ADAMTSL1: variants seen among roughly 807,000 people sequenced by gnomAD.
ADAMTSL1 encodes the protein ADAMTS-like protein 1.
A neutral mutation model predicts 201.8 loss-of-function variants in ADAMTSL1; 126 were observed. The observed-to-expected ratio is 0.62, with a 90% CI of 0.54 to 0.72. The LOEUF is 0.72. Ranked by LOEUF, ADAMTSL1 falls within the 30% of genes least tolerant of loss-of-function variation. The pLI is 0.00. For synonymous variants in ADAMTSL1, 1,121 were observed against 903.4 expected (o/e 1.24, Z -4.32); for missense variants, 2,679 against 2,277.8 (o/e 1.18, Z -3.59).
intron 23 of ADAMTSL1, among the ~76,000 whole-genome samples, chr9:18,860,723 A>G (rs1827161843): frequency 6.6e-6 from 1 of 152,062 alleles, no homozygotes; most frequent in African/African-American, 2.4e-5. Context: ...TCATTACTGT[A>G]GGAAAAGGTT....
intron 2 of ADAMTSL1, among the ~76,000 whole-genome samples, chr9:18,226,635 C>G (rs1456223334): frequency 6.6e-6 from 1 of 152,128 alleles, no homozygotes; most frequent in African/African-American, 2.4e-5. Flanking sequence ...CCTGCCCTCT[C>G]TTTACCTTAG....
intron 13 of ADAMTSL1, among the ~76,000 whole-genome samples, chr9:18,704,400 G>A (rs1474579577): frequency 6.6e-6 from 1 of 152,154 alleles, no homozygotes; most frequent in African/African-American, 2.4e-5. Flanking sequence ...GAAAAAGCTG[G>A]TAGGGTGCAG....
chr9:18,815,267 TGCA>T (rs1403278784), intron 20 of ADAMTSL1, among the ~76,000 whole-genome samples: 1 of 152,062 alleles, frequency 6.6e-6, no homozygotes, highest in Non-Finnish European at 1.5e-5. Flanking sequence ...CAATATTTAC[TGCA>T]GCACTATTCA....
chr9:18,540,232 C>T (rs1237053959), intron 3 of ADAMTSL1, among the ~76,000 whole-genome samples: 6 of 152,054 alleles, frequency 3.9e-5, no homozygotes, highest in Non-Finnish European at 5.9e-5. Flanking sequence ...AGATAATGCC[C>T]CTGTTCTTAT....
intron 2 of ADAMTSL1, among the ~76,000 whole-genome samples, chr9:18,226,140 C>T (rs149442877): frequency 8.5e-5 from 13 of 152,108 alleles, no homozygotes; most frequent in African/African-American, 3.1e-4. Context: ...GACAAAGATG[C>T]CATTTTTTGA....
intron 3 of ADAMTSL1, among the ~76,000 whole-genome samples, chr9:18,556,441 C>A (rs1821114754): frequency 6.6e-6 from 1 of 151,970 alleles, no homozygotes; most frequent in Admixed American, 6.6e-5. Flanking sequence ...TGACTTTAAT[C>A]AGTCTTTCCC....
At chr9:18,323,655 A>T (rs1834714407) in intron 2 of ADAMTSL1, among the ~76,000 whole-genome samples, 2 of 152,208 alleles carry the variant, frequency 1.3e-5, no homozygotes, top group African/African-American at 4.8e-5. Context: ...ATAGGAAACA[A>T]ATTCAGTATA....
chr9:18,533,680 A>T (rs1819580322), intron 3 of ADAMTSL1, among the ~76,000 whole-genome samples: 2 of 152,228 alleles, frequency 1.3e-5, no homozygotes, highest in African/African-American at 4.8e-5. Context: ...AACAAATATT[A>T]TTCAGTGCCA....
rs182399871 is a variant in ADAMTSL1 at position 18,183,346 on chromosome 9, A to G, written c.207+19365A>G. ...TGATGATGTTTTATATAGAACACCA[A>G]AGGCATGATTCACGAAATAATTGAT... On this transcript the variant is annotated intron_variant, in intron 2 of 29. Transcript: ENST00000680146. 8.5e-5 allele frequency among the ~76,000 whole-genome samples: 13 copies of G among 152,312 alleles called. No homozygotes were observed. In the East Asian group the frequency reaches 1.7e-3, roughly 20 times the overall value.
intron 2 of ADAMTSL1, among the ~76,000 whole-genome samples, chr9:18,185,783 C>T (rs911852191): frequency 6.6e-6 from 1 of 151,956 alleles, no homozygotes; most frequent in Non-Finnish European, 1.5e-5. Context: ...ATTATGACTC[C>T]AAGTTTACAA....
intron 1 of ADAMTSL1, among the ~76,000 whole-genome samples, chr9:17,995,070 T>C (rs551323342): frequency 2.6e-5 from 4 of 152,282 alleles, no homozygotes; most frequent in African/African-American, 9.6e-5. Flanking sequence ...CCTAGGGAGC[T>C]TGTTTGCCTC....
At chr9:18,889,883 C>A in intron 25 of ADAMTSL1, 135 bp downstream of exon 25, 2 of 905,848 alleles carry the variant, frequency 2.2e-6, no homozygotes, top group Non-Finnish European at 3.0e-6. Context: ...TCCCTCTAGG[C>A]ACAGGCTTAT....
intron 23 of ADAMTSL1, among the ~76,000 whole-genome samples, chr9:18,865,928 T>A (rs1173907320): frequency 3.3e-5 from 5 of 151,912 alleles, no homozygotes; most frequent in Non-Finnish European, 7.4e-5. Context: ...TATACGTAGC[T>A]GGGAGGGAAA....
chr9:18,708,057 C>G (rs1832332267), intron 14 of ADAMTSL1, among the ~76,000 whole-genome samples: 1 of 152,234 alleles, frequency 6.6e-6, no homozygotes, highest in Non-Finnish European at 1.5e-5. Flanking sequence ...TTAGTAACCC[C>G]TTTGAGCATG....
At chr9:18,820,159 A>C (rs1445570804) in intron 21 of ADAMTSL1, among the ~76,000 whole-genome samples, 1 of 152,194 alleles carries the variant, frequency 6.6e-6, no homozygotes, top group African/African-American at 2.4e-5. Context: ...GGCCTGCTTA[A>C]AGCAGTATTT....
At chr9:18,188,394 G>A (rs1828829255) in intron 2 of ADAMTSL1, among the ~76,000 whole-genome samples, 1 of 152,088 alleles carries the variant, frequency 6.6e-6, no homozygotes, top group Non-Finnish European at 1.5e-5. Context: ...CTTATCCCTT[G>A]TGCTTCCTCA....
chr9:18,141,464 TA>T (rs1465505665), intron 1 of ADAMTSL1, among the ~76,000 whole-genome samples: 1 of 152,142 alleles, frequency 6.6e-6, no homozygotes, highest in East Asian at 1.9e-4. Flanking sequence ...ATTCTGAGGT[TA>T]AAGCAGTTGA....
chr9:18,152,085 G>A (rs1377874171), intron 1 of ADAMTSL1, among the ~76,000 whole-genome samples: 1 of 152,170 alleles, frequency 6.6e-6, no homozygotes, highest in East Asian at 1.9e-4. Context: ...TGTAAGATAA[G>A]TATTATTGTT....
intron 23 of ADAMTSL1, among the ~76,000 whole-genome samples, chr9:18,859,020 A>G: frequency 6.6e-6 from 1 of 152,368 alleles, no homozygotes; most frequent in East Asian, 1.9e-4. Context: ...AGAAAAGCAA[A>G]TAAAATGAAA....
Sources: gnomAD v4.1 joint callset for allele counts (sites outside exome capture counted in the v4.1 genomes callset) on GRCh38, gnomAD v4.1.1 for gene constraint, MANE v1.5 for transcripts, NCBI Gene and HGNC (gene_info 2026-07-23, HGNC 2026-07-21) for gene names.